PARN: variants seen among roughly 807,000 people sequenced by gnomAD.
PARN encodes the protein poly(A)-specific ribonuclease PARN.
In PARN, 71 loss-of-function variants were observed where a neutral mutation model predicts 102.8. The observed-to-expected ratio is 0.69, with a 90% CI of 0.57 to 0.84. PARN has a LOEUF of 0.84. Among genes scored for constraint, PARN ranks in the 40% least tolerant of loss-of-function variants. The pLI, the probability that PARN is intolerant of heterozygous loss-of-function variation, is 0.00. For synonymous variants in PARN, 261 were observed against 252.9 expected (o/e 1.03, Z -0.30); for missense variants, 782 against 760.9 (o/e 1.03, Z -0.33).
chr16:14,588,154 G>A (rs1271166398), intron 13 of PARN, among the ~76,000 whole-genome samples: 9 of 152,224 alleles, frequency 5.9e-5, no homozygotes, highest in East Asian at 1.9e-4. Flanking sequence ...AAGCTGCACC[G>A]CGGAAAGTTA....
chr16:14,460,019 G>A (rs118092382), intron 22 of PARN, among the ~76,000 whole-genome samples: 1 of 152,010 alleles, frequency 6.6e-6, no homozygotes, highest in Non-Finnish European at 1.5e-5. Context: ...ATAAAACTGA[G>A]AATAATTAAA....
intron 18 of PARN, among the ~76,000 whole-genome samples, chr16:14,573,886 G>A (rs961187651): frequency 2.0e-5 from 3 of 152,154 alleles, no homozygotes; most frequent in African/African-American, 7.2e-5. Flanking sequence ...TTTGTAAATT[G>A]CCCAGTCTCA....
intron 21 of PARN, among the ~76,000 whole-genome samples, chr16:14,540,350 C>T (rs1166645625): frequency 1.3e-5 from 2 of 152,066 alleles, no homozygotes; most frequent in Non-Finnish European, 2.9e-5. Context: ...ATATTTTGTG[C>T]ATTTCCTCTG....
At chr16:14,621,540 C>T (rs192235051) in intron 5 of PARN, among the ~76,000 whole-genome samples, 3 of 152,304 alleles carry the variant, frequency 2.0e-5, no homozygotes, top group Admixed American at 6.5e-5. Flanking sequence ...TGGCCAGACA[C>T]GGTGGCTCAC....
chr16:14,578,386 G>A (rs913843629), intron 18 of PARN: 3 of 149,744 alleles, frequency 2.0e-5, no homozygotes, highest in East Asian at 2.0e-4. Flanking sequence ...TAGGCGCGGT[G>A]ACTAACGTCT....
rs542028932 is a variant in PARN, at chr16:14,453,665, CAGA to C, written c.1671-6587_1671-6585del. ...CCTATTTATATAGTTTTGCCTTTTC[CAGA>C]AGTTCATGTGAATGAAATCATACAA... On this transcript the variant is annotated intron_variant, in intron 22 of 23. Coordinates refer to ENST00000437198, the MANE Select transcript of PARN (RefSeq NM_002582.4). Among the ~76,000 whole-genome samples, 299 of 152,274 alleles carry C rather than the reference CAGA, an allele frequency of 2.0e-3. 1 individual carries two copies. The highest frequency in any genetic ancestry group is 0.01 in the Middle Eastern group (3 of 294).
chr16:14,575,893 G>A (rs1969103044), intron 18 of PARN, among the ~76,000 whole-genome samples: 1 of 152,150 alleles, frequency 6.6e-6, no homozygotes, highest in Non-Finnish European at 1.5e-5. Flanking sequence ...TTATGGGGCA[G>A]GTCTTTCCTG....
rs760506977 is a variant in PARN, at chr16:14,604,220, G to A, written c.709C>T (p.Arg237Ter). The change falls in exon 11 of 24, where the codon CGA (arginine) becomes TGA (stop). Residue 237 changes from arginine (R) to a stop codon, truncating the protein, a stop_gained. Coordinates refer to ENST00000437198, the MANE Select transcript of PARN (RefSeq NM_002582.4). LOFTEE classifies it high-confidence loss of function. ...TCTACTTTGCTGATAACTATATATC[G>A]CTCCTTCTAAAAGACATAAAGCAGA... The part of the protein sequence containing the change: ...VETLETEKKE[R>*]YIVISKVDEE... 5.7e-6 allele frequency: 9 copies of A among 1,575,604 alleles called. No homozygotes were observed. The highest frequency in any genetic ancestry group is 1.1e-5 in the South Asian group (1 of 87,466).
At chr16:14,629,959 C>G (rs1972937161) in intron 1 of PARN, 148 bp downstream of exon 1, 1 of 745,196 alleles carries the variant, frequency 1.3e-6, no homozygotes, top group Non-Finnish European at 2.2e-6. Flanking sequence ...GGAAAAGACC[C>G]CAAGAGGCGC....
intron 18 of PARN, chr16:14,576,408 T>C (rs1401096438): frequency 6.6e-6 from 1 of 152,212 alleles, no homozygotes; most frequent in Non-Finnish European, 1.5e-5. Flanking sequence ...TTCTAAGAAC[T>C]GAGGTAAACA....
chr16:14,513,000 T>C (rs1357028359), intron 21 of PARN, among the ~76,000 whole-genome samples: 1 of 152,158 alleles, frequency 6.6e-6, no homozygotes, highest in African/African-American at 2.4e-5. Context: ...TGGCTCACTG[T>C]TGCAACCTTT....
intron 22 of PARN, among the ~76,000 whole-genome samples, chr16:14,464,120 G>A (rs550207241): frequency 1.3e-5 from 2 of 152,296 alleles, no homozygotes; most frequent in African/African-American, 4.8e-5. Context: ...TAGGATTACA[G>A]GCATGAGCCA....
intron 21 of PARN, among the ~76,000 whole-genome samples, chr16:14,509,213 C>T (rs866952925): frequency 3.3e-5 from 5 of 152,122 alleles, no homozygotes; most frequent in South Asian, 2.1e-4. Flanking sequence ...GTATAAACCC[C>T]GTGTCAGCTG....
chr16:14,627,278 G>A lies in PARN; in HGVS notation c.236C>T (p.Thr79Ile), dbSNP rs1972734916. ...TGTTAACACAACCTACTTTGAATCT[G>A]TGTAGTCATACTTAAAAGTGCAAAG... ...FGLCTFKYDY[T>I]DSKYITKSFN... The change falls in exon 4 of 24, where the codon ACA (threonine) becomes ATA (isoleucine). Residue 79 changes from threonine (T) to isoleucine (I), a missense_variant. Transcript: ENST00000437198. 1 of 1,593,448 alleles carries A rather than the reference G, an allele frequency of 6.3e-7. No homozygotes were observed. Among genetic ancestry groups the A allele is most frequent in the Non-Finnish European group, 8.6e-7 (1 of 1,168,698 alleles).
At chr16:14,525,243 T>G (rs1965934233) in intron 21 of PARN, among the ~76,000 whole-genome samples, 1 of 152,110 alleles carries the variant, frequency 6.6e-6, no homozygotes, top group Non-Finnish European at 1.5e-5. Flanking sequence ...CCCCAAGAAA[T>G]GAAACAGATG....
chr16:14,601,228 G>A (rs528976951), intron 11 of PARN, among the ~76,000 whole-genome samples: 1 of 152,188 alleles, frequency 6.6e-6, no homozygotes, highest in East Asian at 1.9e-4. Flanking sequence ...CAAACAAATG[G>A]ATAAACAAAA....
chr16:14,586,377 A>G lies in PARN; in HGVS notation c.919-16T>C. The G allele has an allele frequency of 6.7e-7, 1 of 1,482,288 alleles. No homozygotes were observed. The highest frequency in any genetic ancestry group is 9.2e-7 in the Non-Finnish European group (1 of 1,082,752). 91.8% of individuals were successfully genotyped at this position (1,482,288 alleles called of 1,614,324 possible). On this transcript the variant is annotated splice_polypyrimidine_tract_variant and intron_variant, in intron 13 of 23. Transcript: ENST00000437198. ...CACTTAAGTCCTAAAGAACAAGAGA[A>G]GGACTTGTTACAATTTTCCTAATAC...
At chr16:14,521,867 A>G (rs1388844878) in intron 21 of PARN, among the ~76,000 whole-genome samples, 1 of 152,076 alleles carries the variant, frequency 6.6e-6, no homozygotes, top group Non-Finnish European at 1.5e-5. Context: ...ACCCCCTTAT[A>G]CATGGTGGTC....
At chr16:14,445,663 G>C (rs1309372082) in intron 23 of PARN, among the ~76,000 whole-genome samples, 1 of 152,196 alleles carries the variant, frequency 6.6e-6, no homozygotes, top group East Asian at 1.9e-4. Flanking sequence ...CCTGGGCTGA[G>C]GCAGTCCCCC....
Sources: allele counts gnomAD v4.1 joint callset (sites outside exome capture counted in the v4.1 genomes callset), GRCh38; gene constraint gnomAD v4.1.1; transcripts MANE v1.5; gene names NCBI Gene and HGNC (gene_info 2026-07-23, HGNC 2026-07-21).